Variants in SSBP2 observed in about 807,000 individuals in gnomAD.
SSBP2 encodes single stranded DNA binding protein 2.
SSBP2 carries 17 observed loss-of-function variants against 61.8 expected under a neutral mutation model. The ratio of observed to expected loss-of-function variants is 0.28; its 90% confidence interval spans 0.19 to 0.41. SSBP2 has a LOEUF of 0.41. Ranked by LOEUF, SSBP2 falls within the 10% of genes least tolerant of loss-of-function variation. The pLI is 1.00. For missense variants in SSBP2, 310 were observed against 458.7 expected (o/e 0.68, Z 2.96); for synonymous variants, 139 against 141.3 (o/e 0.98, Z 0.12).
intron 5 of SSBP2, among the ~76,000 whole-genome samples, chr5:81,502,982 A>T (rs1249584620): frequency 6.6e-6 from 1 of 152,186 alleles, no homozygotes; most frequent in Non-Finnish European, 1.5e-5. Flanking sequence ...TTACAATGAA[A>T]AACAAACAAC....
intron 4 of SSBP2, among the ~76,000 whole-genome samples, chr5:81,554,374 C>T (rs1051420009): frequency 6.6e-6 from 1 of 151,400 alleles, no homozygotes; most frequent in Non-Finnish European, 1.5e-5. Context: ...CATGGTCATA[C>T]TAGTTAGTGG....
At chr5:81,453,495 C>T (rs1231327923) in intron 10 of SSBP2, among the ~76,000 whole-genome samples, 6 of 140,110 alleles carry the variant, frequency 4.3e-5, no homozygotes, top group Admixed American at 7.5e-5. Flanking sequence ...GTCTTGCCGT[C>T]GCCCAGGCTG....
At chr5:81,496,978 GTTC>G (rs1194087973) in intron 5 of SSBP2, among the ~76,000 whole-genome samples, 1 of 152,194 alleles carries the variant, frequency 6.6e-6, no homozygotes, top group Non-Finnish European at 1.5e-5. Context: ...TTAATGTGGA[GTTC>G]TTTAGTTACC....
At chr5:81,648,619 C>A (rs991212844) in intron 2 of SSBP2, among the ~76,000 whole-genome samples, 1 of 151,980 alleles carries the variant, frequency 6.6e-6, no homozygotes, top group African/African-American at 2.4e-5. Context: ...AGAGATAATA[C>A]GATTTCAAGC....
intron 1 of SSBP2, among the ~76,000 whole-genome samples, chr5:81,729,373 A>G (rs1300371653): frequency 1.3e-5 from 2 of 152,232 alleles, no homozygotes; most frequent in Non-Finnish European, 1.5e-5. Flanking sequence ...AATGTGAAAC[A>G]GTAAATCCCC....
chr5:81,436,808 A>G (rs1762700467), intron 15 of SSBP2, among the ~76,000 whole-genome samples: 1 of 152,186 alleles, frequency 6.6e-6, no homozygotes, highest in African/African-American at 2.4e-5. Flanking sequence ...CTTCAAAAAT[A>G]TAAGGCATTT....
chr5:81,489,065 A>C (rs1030517457), intron 6 of SSBP2, among the ~76,000 whole-genome samples, 185 bp downstream of exon 6: 1 of 152,138 alleles, frequency 6.6e-6, no homozygotes, highest in Non-Finnish European at 1.5e-5. Flanking sequence ...TTTTTCAATA[A>C]AACTTTATTT....
At chr5:81,561,567 T>C (rs1773042895) in intron 4 of SSBP2, among the ~76,000 whole-genome samples, 1 of 151,498 alleles carries the variant, frequency 6.6e-6, no homozygotes, top group Non-Finnish European at 1.5e-5. Flanking sequence ...AAGTACTAAA[T>C]GTAGACAAGT....
At chr5:81,750,709 T>C in intron 1 of SSBP2, 1 of 477,526 alleles carries the variant, frequency 2.1e-6, no homozygotes. Flanking sequence ...CCCAAACAAG[T>C]TTCCATCCTC....
intron 10 of SSBP2, among the ~76,000 whole-genome samples, chr5:81,456,999 T>C (rs1280689599): frequency 6.6e-6 from 1 of 152,208 alleles, no homozygotes; most frequent in Non-Finnish European, 1.5e-5. Flanking sequence ...GGTAAAGGTA[T>C]AGACGTGTGT....
At chr5:81,624,002 C>T (rs1561620293) in intron 3 of SSBP2, among the ~76,000 whole-genome samples, 1 of 152,048 alleles carries the variant, frequency 6.6e-6, no homozygotes, top group African/African-American at 2.4e-5. Context: ...CATGGCAAGC[C>T]TTGTGCTAGG....
chr5:81,466,727 T>A (rs1764915857), intron 9 of SSBP2, among the ~76,000 whole-genome samples: 1 of 151,640 alleles, frequency 6.6e-6, no homozygotes, highest in Non-Finnish European at 1.5e-5. Flanking sequence ...TGAAAAAAAA[T>A]TAAAGGTTGC....
intron 15 of SSBP2, among the ~76,000 whole-genome samples, chr5:81,436,376 GA>G (rs550272592): frequency 2.7e-5 from 4 of 149,268 alleles, no homozygotes; most frequent in East Asian, 3.9e-4. Flanking sequence ...TCTATTTTTA[GA>G]AAAAAAAAGA....
intron 1 of SSBP2, among the ~76,000 whole-genome samples, chr5:81,670,125 CACACCACCA>C (rs1349662248): frequency 6.6e-6 from 1 of 152,078 alleles, no homozygotes; most frequent in Non-Finnish European, 1.5e-5. Flanking sequence ...TCATAGAATG[CACACCACCA>C]ACAGAGAACC....
At chr5:81,457,614 G>T (rs1764249340) in intron 10 of SSBP2, among the ~76,000 whole-genome samples, 1 of 152,014 alleles carries the variant, frequency 6.6e-6, no homozygotes, top group Non-Finnish European at 1.5e-5. Flanking sequence ...CAACAATAAT[G>T]GGACAAATCA....
intron 9 of SSBP2, among the ~76,000 whole-genome samples, chr5:81,463,867 C>G (rs1764714464): frequency 6.7e-6 from 1 of 149,616 alleles, no homozygotes; most frequent in Non-Finnish European, 1.5e-5. Flanking sequence ...CTCCCGGGCT[C>G]AAGCCATTCT....
chr5:81,629,175 G>T (rs1453732815), intron 3 of SSBP2, among the ~76,000 whole-genome samples: 1 of 152,076 alleles, frequency 6.6e-6, no homozygotes, highest in Non-Finnish European at 1.5e-5. Flanking sequence ...TTAGTAGATG[G>T]GGTTTCACCA....
intron 1 of SSBP2, among the ~76,000 whole-genome samples, chr5:81,665,337 A>G (rs1267522071): frequency 1.3e-5 from 2 of 152,198 alleles, no homozygotes; most frequent in African/African-American, 2.4e-5. Flanking sequence ...AGAATGGTCT[A>G]GCTGCTGCCA....
intron 4 of SSBP2, among the ~76,000 whole-genome samples, chr5:81,614,083 G>A (rs1021137605): frequency 2.6e-5 from 4 of 152,046 alleles, no homozygotes; most frequent in South Asian, 4.2e-4. Context: ...TGCACAGGCC[G>A]GGCGCGGTGG....
Sources: gnomAD v4.1 joint callset for allele counts (sites outside exome capture counted in the v4.1 genomes callset) on GRCh38, gnomAD v4.1.1 for gene constraint, MANE v1.5 for transcripts, NCBI Gene and HGNC (gene_info 2026-07-23, HGNC 2026-07-21) for gene names.